The following RASA2 variants were observed in gnomAD, a reference collection of about 807,000 sequenced individuals.
RASA2 encodes the protein ras GTPase-activating protein 2.
In RASA2, 155 loss-of-function variants were observed where a neutral mutation model predicts 118.2. The ratio of observed to expected loss-of-function variants is 1.31; its 90% confidence interval spans 1.15 to 1.50. The LOEUF (loss-of-function observed/expected upper bound fraction) is 1.50, where lower values mean the gene tolerates loss of function less well. Ranked by LOEUF, RASA2 falls within the 40% of genes most tolerant of loss-of-function variation. The pLI is 0.00. For synonymous variants in RASA2, 353 were observed against 349.1 expected, an observed-to-expected ratio of 1.01 and a Z score of -0.12; for missense variants, 1,016 against 1,009.6, an observed-to-expected ratio of 1.01 and a Z score of -0.09.
At chr3:141,566,730 G>A (rs1264332275) in intron 9 of RASA2, among the ~76,000 whole-genome samples, 1 of 152,146 alleles carries the variant, frequency 6.6e-6, no homozygotes, top group Non-Finnish European at 1.5e-5. Context: ...AAAAAAATCA[G>A]TGTATGTATT....
At chr3:141,570,123 T>G (rs903809208) in intron 9 of RASA2, among the ~76,000 whole-genome samples, 1 of 151,152 alleles carries the variant, frequency 6.6e-6, no homozygotes, top group African/African-American at 2.4e-5. Context: ...AGATTTCTGG[T>G]TTTGGTCCTG....
chr3:141,487,068 C>G lies in RASA2; in HGVS notation c.-16C>G, dbSNP rs1577623215. The G allele has an allele frequency of 8.0e-7, 1 of 1,257,362 alleles. No individual in the cohort carries two copies. The highest frequency in any genetic ancestry group is 1.0e-6 in the Non-Finnish European group (1 of 995,144). 77.9% of individuals were successfully genotyped at this position (1,257,362 alleles called of 1,614,324 possible). ...CTACGCAGGCGGCAGGGCTGCGGCA[C>G]GGGCCGGGCGGCACCATGGCGGCGG... On this transcript the variant is annotated 5_prime_UTR_variant, in exon 1 of 24. Coordinates refer to ENST00000286364, the MANE Select transcript of RASA2 (RefSeq NM_006506.5).
intron 3 of RASA2, among the ~76,000 whole-genome samples, chr3:141,521,722 TC>T (rs1455686853): frequency 6.6e-6 from 1 of 152,170 alleles, no homozygotes; most frequent in African/African-American, 2.4e-5. Context: ...GTTTATTCTT[TC>T]TAAGGGATAA....
chr3:141,549,484 CGTGTGTGTGTGTGT>C (rs56036122), intron 5 of RASA2, among the ~76,000 whole-genome samples: 2 of 145,212 alleles, frequency 1.4e-5, no homozygotes, highest in Admixed American at 6.8e-5. Context: ...TGTGTGTGTG[CGTGTGTGTGTGTGT>C]GTGTGTGTGT....
At chr3:141,547,879 GT>G (rs2082510126) in intron 5 of RASA2, among the ~76,000 whole-genome samples, 1 of 152,080 alleles carries the variant, frequency 6.6e-6, no homozygotes, top group Non-Finnish European at 1.5e-5. Flanking sequence ...TTTTTTGAGG[GT>G]TTTATTATTA....
At chr3:141,546,298 T>C (rs1275430525) in intron 5 of RASA2, among the ~76,000 whole-genome samples, 2 of 152,232 alleles carry the variant, frequency 1.3e-5, no homozygotes, top group African/African-American at 2.4e-5. Context: ...TAATTTACAT[T>C]GCCACCAGCA....
intron 19 of RASA2, among the ~76,000 whole-genome samples, chr3:141,603,263 G>A (rs1023362484): frequency 6.6e-6 from 1 of 152,180 alleles, no homozygotes; most frequent in Admixed American, 6.5e-5. Flanking sequence ...TTTTATTGTG[G>A]TGGTAATTGT....
Position 141,574,062 on chromosome 3 carries a change from T to A in RASA2, c.1478T>A (p.Phe493Tyr). 1 of 1,477,848 alleles carries A rather than the reference T, an allele frequency of 6.8e-7. No homozygotes were observed. Among genetic ancestry groups the A allele is most frequent in the Non-Finnish European group, 9.0e-7 (1 of 1,105,608 alleles). The allele number at this position is 1,477,848 out of a possible 1,614,324, so 91.5% of individuals were successfully genotyped here. A position where few individuals can be genotyped will look rare whatever the true frequency, so the allele number is the denominator to read the frequency against. Reference sequence around the variant, plus strand: ...CTAAGGCAGATGGCTACTCAGAGATTTCCTAGTAAGTGCCTTGTTTTACTA... The same window carrying A: ...CTAAGGCAGATGGCTACTCAGAGATATCCTAGTAAGTGCCTTGTTTTACTA... Reference protein sequence around the residue: ...YSLRQMATQRFPNDPHVQYSA... With the variant: ...YSLRQMATQRYPNDPHVQYSA... The change falls in exon 14 of 24, where the codon TTT (phenylalanine) becomes TAT (tyrosine). Residue 493 changes from phenylalanine to tyrosine, a missense_variant. Coordinates refer to ENST00000286364, the MANE Select transcript of RASA2 (RefSeq NM_006506.5).
At chr3:141,574,670 A>G (rs1222625587) in intron 14 of RASA2, among the ~76,000 whole-genome samples, 1 of 152,238 alleles carries the variant, frequency 6.6e-6, no homozygotes, top group Non-Finnish European at 1.5e-5. Flanking sequence ...GAACTGTAAC[A>G]TTATATAAGT....
intron 19 of RASA2, among the ~76,000 whole-genome samples, chr3:141,602,413 A>G (rs1229178268): frequency 6.6e-6 from 1 of 152,132 alleles, no homozygotes; most frequent in African/African-American, 2.4e-5. Flanking sequence ...TTGTGATCTC[A>G]TGCCACCCTT....
intron 5 of RASA2, among the ~76,000 whole-genome samples, chr3:141,547,975 A>T (rs2082511804): frequency 6.6e-6 from 1 of 152,122 alleles, no homozygotes; most frequent in African/African-American, 2.4e-5. Context: ...TGTTGATATG[A>T]TGTGTCACAC....
At chr3:141,492,124 C>T (rs142033401) in intron 1 of RASA2, among the ~76,000 whole-genome samples, 54 of 152,274 alleles carry the variant, frequency 3.5e-4, no homozygotes, top group Admixed American at 1.7e-3. Context: ...CTGTGGAAGA[C>T]GGGAGGTAAA....
At chr3:141,590,085 G>A in intron 19 of RASA2, 1 of 454,070 alleles carries the variant, frequency 2.2e-6, no homozygotes, top group Non-Finnish European at 4.4e-6. Context: ...TATTTTGATG[G>A]ATTTTTCCAA....
chr3:141,523,197 C>T (rs1025028190), intron 3 of RASA2, among the ~76,000 whole-genome samples: 1 of 151,368 alleles, frequency 6.6e-6, no homozygotes, highest in Non-Finnish European at 1.5e-5. Context: ...GGCATGATCT[C>T]GGCTCACTGC....
chr3:141,573,835 A>T, intron 13 of RASA2, 109 bp from the exon 14 acceptor site: 1 of 913,086 alleles, frequency 1.1e-6, no homozygotes, highest in Non-Finnish European at 1.5e-6. Context: ...AAAAAATGTT[A>T]GATAGTGACT....
rs560247441 is a variant in RASA2 at position 141,496,999 on chromosome 3, A to G, written c.133+9783A>G. Among the ~76,000 whole-genome samples the G allele has an allele frequency of 2.3e-3, 343 of 152,238 alleles. 6 individuals are homozygous for G. Among genetic ancestry groups the G allele is most frequent in the Admixed American group, 0.021 (321 of 15,278 alleles). ...ACTATGCAGCCATAAAAATGGATGA[A>G]TTCATGTCCTTTGTAGGGACATGGA... On this transcript the variant is annotated intron_variant, in intron 1 of 23. Coordinates refer to ENST00000286364, the MANE Select transcript of RASA2 (RefSeq NM_006506.5).
At position 141,608,537 on chromosome 3, in the gene RASA2, A is replaced by G. The variant is rs1478038917; in HGVS notation, c.2065A>G (p.Asn689Asp). 1 of 1,614,024 alleles carries G rather than the reference A, an allele frequency of 6.2e-7. No individual in the cohort carries two copies. The highest frequency in any genetic ancestry group is 1.1e-5 in the South Asian group (1 of 91,080). The change falls in exon 21 of 24, where the codon AAC becomes GAC. Residue 689 changes from asparagine (N) to aspartate (D), a missense_variant. By Grantham distance (23) the Asn-to-Asp change is conservative. Transcript: ENST00000286364. ...GAAACCACTCTATGTCCAGGCAAATAACTGTGTAGAAGCTAATGAATGGAT... is the reference window on the plus strand; with the variant it reads ...GAAACCACTCTATGTCCAGGCAAATGACTGTGTAGAAGCTAATGAATGGAT... ...TEKPLYVQANNCVEANEWIDV... is the reference protein window; with the variant it reads ...TEKPLYVQANDCVEANEWIDV...
chr3:141,502,599 C>T (rs1270960039), intron 1 of RASA2, among the ~76,000 whole-genome samples: 1 of 152,044 alleles, frequency 6.6e-6, no homozygotes, highest in African/African-American at 2.4e-5. Context: ...TCCTCCGATC[C>T]CCAATTTCTG....
intron 1 of RASA2, among the ~76,000 whole-genome samples, chr3:141,496,360 C>T (rs1364594412): frequency 4.6e-5 from 7 of 152,138 alleles, no homozygotes; most frequent in Non-Finnish European, 1.0e-4. Context: ...GCAAAAAAAA[C>T]TACCATCAGA....
Sources: gnomAD v4.1 joint callset for allele counts (sites outside exome capture counted in the v4.1 genomes callset) on GRCh38, gnomAD v4.1.1 for gene constraint, MANE v1.5 for transcripts, NCBI Gene and HGNC (gene_info 2026-07-23, HGNC 2026-07-21) for gene names.